The following CACNA2D4 variants were observed in gnomAD, a reference collection of about 807,000 sequenced individuals.
CACNA2D4 encodes voltage-dependent calcium channel subunit alpha-2/delta-4.
A neutral mutation model predicts 163.8 loss-of-function variants in CACNA2D4; 157 were observed. The ratio of observed to expected loss-of-function variants is 0.96; its 90% CI spans 0.84 to 1.09. The LOEUF (loss-of-function observed/expected upper bound fraction) is 1.09, where lower values mean the gene tolerates loss of function less well. Ranked by LOEUF, CACNA2D4 falls within the 50% of genes least tolerant of loss-of-function variation. The pLI, the probability that CACNA2D4 is intolerant of heterozygous loss-of-function variation, is 0.00. For missense variants in CACNA2D4, 1,410 were observed against 1,479.9 expected (o/e 0.95, Z 0.78); for synonymous variants, 598 against 586.9 (o/e 1.02, Z -0.27).
At chr12:1,816,775 C>A (rs1417615996) in intron 26 of CACNA2D4, among the ~76,000 whole-genome samples, 1 of 152,198 alleles carries the variant, frequency 6.6e-6, no homozygotes, top group Admixed American at 6.5e-5. Flanking sequence ...CACATGGACA[C>A]ACACATATAT....
chr12:1,800,016 G>C lies in CACNA2D4; in HGVS notation c.2958C>G (p.Tyr986Ter), dbSNP rs142964907. The change falls in exon 33 of 38, where the codon TAC becomes TAG. Residue 986 changes from tyrosine to a stop codon, truncating the protein, a stop_gained. Coordinates refer to ENST00000382722, the MANE Select transcript of CACNA2D4 (RefSeq NM_172364.5). LOFTEE classifies it high-confidence loss of function. ...LLEWSVWGSW[Y>*]DRGAEAKSVF... is the part of the protein sequence containing the mutation. ...TGCACTCACCCTCGGCCCCTCTGTC[G>C]TACCAGGAGCCCCAGACACTCCACT... 5.6e-6 allele frequency: 9 copies of C among 1,604,596 alleles called. No individual in the cohort carries two copies. The highest frequency in any genetic ancestry group is 1.7e-4 in the Middle Eastern group (1 of 6,046).
chr12:1,918,098 A>G, intron 1 of CACNA2D4, 149 bp downstream of exon 1: 1 of 662,266 alleles, frequency 1.5e-6, no homozygotes. Flanking sequence ...AGGGCTTTAC[A>G]GCAAGAGAGT....
At chr12:1,814,802 A>G (rs1454622393) in intron 26 of CACNA2D4, among the ~76,000 whole-genome samples, 1 of 152,172 alleles carries the variant, frequency 6.6e-6, no homozygotes, top group Non-Finnish European at 1.5e-5. Flanking sequence ...TCTCTGATCC[A>G]TTCTCCACAT....
intron 6 of CACNA2D4, among the ~76,000 whole-genome samples, chr12:1,905,824 G>A (rs1345817403): frequency 1.3e-5 from 2 of 152,198 alleles, no homozygotes; most frequent in East Asian, 3.9e-4. Context: ...CAACGAGCAA[G>A]AGAAACTCAT....
intron 26 of CACNA2D4, chr12:1,822,109 G>C (rs1864128850): frequency 6.6e-6 from 1 of 152,196 alleles, no homozygotes; most frequent in African/African-American, 2.4e-5. Context: ...TGCCAAAAGA[G>C]GGAGACCAGG....
chr12:1,793,827 C>A, intron 37 of CACNA2D4, 68 bp from the exon 38 acceptor site: 1 of 1,363,358 alleles, frequency 7.3e-7, no homozygotes, highest in Admixed American at 1.9e-5. Context: ...GAGGGGCTTC[C>A]ACCACTAATT....
intron 6 of CACNA2D4, among the ~76,000 whole-genome samples, chr12:1,889,773 TA>T (rs1164177502): frequency 6.6e-6 from 1 of 151,780 alleles, no homozygotes; most frequent in Non-Finnish European, 1.5e-5. Flanking sequence ...GTTAAGTATT[TA>T]AAAAGGAAAA....
chr12:1,853,433 T>G (rs750668963), intron 23 of CACNA2D4, among the ~76,000 whole-genome samples: 3 of 152,150 alleles, frequency 2.0e-5, no homozygotes, highest in Non-Finnish European at 2.9e-5. Flanking sequence ...ATCTTCACAA[T>G]GTTGAATCTT....
intron 6 of CACNA2D4, among the ~76,000 whole-genome samples, chr12:1,899,818 G>C (rs771659091): frequency 6.6e-6 from 1 of 151,842 alleles, no homozygotes; most frequent in Non-Finnish European, 1.5e-5. Flanking sequence ...GGATAGTAAA[G>C]GAATGAAAAA....
chr12:1,918,052 G>A (rs1867036769), intron 1 of CACNA2D4, 195 bp downstream of exon 1: 2 of 569,214 alleles, frequency 3.5e-6, no homozygotes, highest in Non-Finnish European at 6.2e-6. Flanking sequence ...AACTCACAGA[G>A]CTTTTGGGAG....
In CACNA2D4 at chr12:1,802,015, CTGTGTGTGTGTGTGTGTGTGTGTG is replaced by C. The variant is rs60739615; in HGVS notation, c.2722-395_2722-372del. On this transcript the variant is annotated intron_variant, in intron 29 of 37. Coordinates refer to ENST00000382722, the MANE Select transcript of CACNA2D4 (RefSeq NM_172364.5). The surrounding 1 kb of genome is among the most constrained non-coding windows in gnomAD (Gnocchi z 4.7). ...TATGAAACTGGATTTGTTTTATATG[CTGTGTGTGTGTGTGTGTGTGTGTG>C]TGTGTGTGTGTGTGTGTGTGTTGGG... 1.4e-5 allele frequency among the ~76,000 whole-genome samples: 2 copies of C among 144,168 alleles called. No individual in the cohort carries two copies. Among genetic ancestry groups the C allele is most frequent in the East Asian group, 2.1e-4 (1 of 4,790 alleles). 94.6% of individuals were successfully genotyped at this position (144,168 alleles called of 152,430 possible).
At chr12:1,894,258 C>A (rs933270875) in intron 6 of CACNA2D4, among the ~76,000 whole-genome samples, 21 of 152,226 alleles carry the variant, frequency 1.4e-4, no homozygotes, top group African/African-American at 2.2e-4. Flanking sequence ...AGCCTCCCAA[C>A]AAAGGAAAAT....
Position 1,878,552 on chromosome 12 carries a change from G to C in CACNA2D4, c.1645-163C>G. On this transcript the variant is annotated intron_variant, in intron 15 of 37. Transcript: ENST00000382722. The surrounding 1 kb of genome is among the most constrained non-coding windows in gnomAD (Gnocchi z 4.6). ...GAGCCAGTGCCATGCTTCCATCATT[G>C]ATTGAGGAGTCCTTTCCAAACCGGA... is the stretch of plus-strand genomic sequence containing the variant. The C allele has an allele frequency of 7.6e-7, 1 of 1,321,762 alleles. No individual in the cohort carries two copies. The highest frequency in any genetic ancestry group is 1.0e-6 in the Non-Finnish European group (1 of 952,760). 81.9% of individuals were successfully genotyped at this position (1,321,762 alleles called of 1,614,324 possible).
chr12:1,850,761 A>T (rs1865259704), intron 23 of CACNA2D4, among the ~76,000 whole-genome samples: 1 of 152,052 alleles, frequency 6.6e-6, no homozygotes, highest in Non-Finnish European at 1.5e-5. Flanking sequence ...AAAAATACAA[A>T]GAATTCACCA....
chr12:1,805,946 C>G (rs1270876453), intron 29 of CACNA2D4, among the ~76,000 whole-genome samples: 2 of 152,218 alleles, frequency 1.3e-5, no homozygotes, highest in Admixed American at 6.5e-5. Flanking sequence ...AGCCGAGGCC[C>G]AGAAAGGCAT....
intron 3 of CACNA2D4, among the ~76,000 whole-genome samples, chr12:1,911,418 A>G (rs373974601): frequency 1.3e-5 from 2 of 151,976 alleles, no homozygotes; most frequent in Non-Finnish European, 2.9e-5. Flanking sequence ...CCAAGATCCT[A>G]TTCTGGCTTT....
At chr12:1,858,488 G>C (rs1865448937) in intron 20 of CACNA2D4, 89 bp downstream of exon 20, 1 of 1,151,060 alleles carries the variant, frequency 8.7e-7, no homozygotes, top group African/African-American at 1.5e-5. Context: ...CTGTCACACT[G>C]GCTCTGGTTG....
rs374541421 is a variant in CACNA2D4 at position 1,884,256 on chromosome 12, T to G, written c.1338A>C (p.Ala446=). 12 of 1,612,240 alleles carry G rather than the reference T, an allele frequency of 7.4e-6. No homozygotes were observed. Among genetic ancestry groups the G allele is most frequent in the Non-Finnish European group, 1.0e-5 (12 of 1,179,384 alleles). The part of the protein sequence containing the change: ...VSFADRMKWI[A]CNNKGYYTQI... ...CCCGGCACTCACCTTTGTTGTTGCA[T>G]GCAATCCACTTCATGCGGTCAGCAA... Residue 446 remains alanine, a synonymous_variant, in exon 12 of 38, where the codon GCA becomes GCC. Transcript: ENST00000382722.
chr12:1,867,618 A>G (rs1477030951), intron 18 of CACNA2D4, among the ~76,000 whole-genome samples: 3 of 152,254 alleles, frequency 2.0e-5, no homozygotes, highest in African/African-American at 7.2e-5. Flanking sequence ...CAATAAAATG[A>G]AATGGCAACC....
Sources: allele counts gnomAD v4.1 joint callset (sites outside exome capture counted in the v4.1 genomes callset), GRCh38; gene constraint gnomAD v4.1.1; non-coding constraint Gnocchi (gnomAD v3.1); transcripts MANE v1.5; gene names NCBI Gene and HGNC (gene_info 2026-07-23, HGNC 2026-07-21).